The following PARN variants were observed in gnomAD, a reference collection of about 807,000 sequenced individuals.
The protein encoded by PARN is poly(A)-specific ribonuclease.
Under a neutral mutation model 102.8 loss-of-function variants are expected in PARN, and 71 were observed. That is an observed-to-expected ratio of 0.69 (90% CI 0.57 to 0.84). The LOEUF (loss-of-function observed/expected upper bound fraction) is 0.84, where lower values mean the gene tolerates loss of function less well. Among genes scored for constraint, PARN ranks in the 40% least tolerant of loss-of-function variants. PARN has a pLI of 0.00. For missense variants in PARN, 782 were observed against 760.9 expected (o/e 1.03, Z -0.33); for synonymous variants, 261 against 252.9 (o/e 1.03, Z -0.30).
intron 17 of PARN, 90 bp from the exon 18 acceptor site, chr16:14,581,033 A>G (rs1328203130): frequency 1.4e-6 from 1 of 733,298 alleles, no homozygotes; most frequent in African/African-American, 1.7e-5. Flanking sequence ...AATTAACAGC[A>G]TGGTTCAACA....
At chr16:14,589,652 G>C (rs1355154368) in intron 13 of PARN, among the ~76,000 whole-genome samples, 7 of 151,818 alleles carry the variant, frequency 4.6e-5, no homozygotes, top group Non-Finnish European at 1.0e-4. Flanking sequence ...GATCACCTAA[G>C]GTCAGGAATT....
chr16:14,460,594 C>T (rs1442081474), intron 22 of PARN, among the ~76,000 whole-genome samples: 1 of 152,090 alleles, frequency 6.6e-6, no homozygotes, highest in African/African-American at 2.4e-5. Flanking sequence ...TAGAAACTTT[C>T]GTCAAAACAT....
At chr16:14,602,958 A>C (rs137855294) in intron 11 of PARN, among the ~76,000 whole-genome samples, 1 of 152,052 alleles carries the variant, frequency 6.6e-6, no homozygotes, top group Non-Finnish European at 1.5e-5. Flanking sequence ...TCTGTCACCC[A>C]AGCTAGAGTA....
chr16:14,579,378 GA>G (rs1249017570), intron 18 of PARN, among the ~76,000 whole-genome samples: 1 of 152,182 alleles, frequency 6.6e-6, no homozygotes, highest in Non-Finnish European at 1.5e-5. Context: ...TCCAACATCT[GA>G]TTTTATAAGG....
chr16:14,470,834 T>A (rs1454045854), intron 22 of PARN, among the ~76,000 whole-genome samples: 3 of 152,026 alleles, frequency 2.0e-5, no homozygotes, highest in Non-Finnish European at 4.4e-5. Flanking sequence ...TCTGTTGCCA[T>A]GGCATAATCA....
At chr16:14,455,899 A>G (rs1162462601) in intron 22 of PARN, among the ~76,000 whole-genome samples, 3 of 152,178 alleles carry the variant, frequency 2.0e-5, no homozygotes, top group African/African-American at 4.8e-5. Flanking sequence ...TAATTCCTTT[A>G]AACTAGTAAT....
At chr16:14,467,059 G>A (rs907457221) in intron 22 of PARN, among the ~76,000 whole-genome samples, 11 of 152,134 alleles carry the variant, frequency 7.2e-5, no homozygotes, top group African/African-American at 2.7e-4. Flanking sequence ...GCCCCTGCAG[G>A]CAAATGACCA....
At chr16:14,565,432 GA>G (rs1968372141) in intron 18 of PARN, among the ~76,000 whole-genome samples, 1 of 147,604 alleles carries the variant, frequency 6.8e-6, no homozygotes, top group Non-Finnish European at 1.5e-5. Flanking sequence ...AACAAAGGAA[GA>G]AAAAAACAAA....
chr16:14,605,174 G>A (rs1299508368), intron 10 of PARN, among the ~76,000 whole-genome samples: 1 of 151,030 alleles, frequency 6.6e-6, no homozygotes, highest in Admixed American at 6.6e-5. Context: ...AAACTCCTGG[G>A]CTCAAATGAC....
At chr16:14,437,418 C>T (rs1960750886) in intron 23 of PARN, among the ~76,000 whole-genome samples, 1 of 152,230 alleles carries the variant, frequency 6.6e-6, no homozygotes, top group South Asian at 2.1e-4. Flanking sequence ...AAGAAGGTTG[C>T]AGCTTTTTCC....
At chr16:14,479,287 T>C (rs375135934) in intron 22 of PARN, among the ~76,000 whole-genome samples, 13 of 151,882 alleles carry the variant, frequency 8.6e-5, no homozygotes, top group African/African-American at 2.2e-4. Flanking sequence ...CCGGGAGTGA[T>C]TGCAAGTGGC....
chr16:14,556,348 T>C (rs1286589043), intron 18 of PARN, among the ~76,000 whole-genome samples: 1 of 150,370 alleles, frequency 6.7e-6, no homozygotes, highest in Non-Finnish European at 1.5e-5. Flanking sequence ...TTAGTACAGA[T>C]GGGGTTTCCC....
chr16:14,472,878 C>A (rs1476433723), intron 22 of PARN, among the ~76,000 whole-genome samples: 1 of 152,148 alleles, frequency 6.6e-6, no homozygotes, highest in Non-Finnish European at 1.5e-5. Context: ...CCCATTTATG[C>A]AACTTTTTTT....
intron 21 of PARN, among the ~76,000 whole-genome samples, chr16:14,507,448 G>A (rs537940509): frequency 5.3e-5 from 8 of 152,126 alleles, no homozygotes; most frequent in Non-Finnish European, 1.2e-4. Context: ...TGTAATCCCA[G>A]CATTTTGGGA....
intron 13 of PARN, among the ~76,000 whole-genome samples, chr16:14,590,854 G>A (rs751973806): frequency 2.0e-5 from 3 of 152,014 alleles, no homozygotes; most frequent in South Asian, 2.1e-4. Context: ...AAATGCTGAC[G>A]GAACAATGGG....
At chr16:14,581,058 T>G in intron 17 of PARN, 115 bp from the exon 18 acceptor site, 1 of 610,826 alleles carries the variant, frequency 1.6e-6, no homozygotes, top group Non-Finnish European at 3.0e-6. Flanking sequence ...TGAAAGGTAT[T>G]CTTTTTTTTT....
intron 22 of PARN, among the ~76,000 whole-genome samples, chr16:14,450,919 T>A (rs952367790): frequency 1.3e-5 from 2 of 149,952 alleles, no homozygotes; most frequent in Non-Finnish European, 3.0e-5. Flanking sequence ...AAAAAAAAAA[T>A]AGCAATCCAT....
At chr16:14,564,810 T>G (rs769234937) in intron 18 of PARN, among the ~76,000 whole-genome samples, 2 of 152,176 alleles carry the variant, frequency 1.3e-5, no homozygotes, top group African/African-American at 4.8e-5. Flanking sequence ...TGCATTCGTG[T>G]CCATCTGCTT....
chr16:14,545,692 T>A (rs1327947893), intron 21 of PARN, among the ~76,000 whole-genome samples: 1 of 152,180 alleles, frequency 6.6e-6, no homozygotes, highest in Non-Finnish European at 1.5e-5. Flanking sequence ...GGCAGACTTG[T>A]AAGCTGCCGG....
Sources: gnomAD v4.1 joint callset for allele counts (sites outside exome capture counted in the v4.1 genomes callset) on GRCh38, gnomAD v4.1.1 for gene constraint, MANE v1.5 for transcripts, NCBI Gene and HGNC (gene_info 2026-07-23, HGNC 2026-07-21) for gene names.